PCED1B: variants seen among roughly 807,000 people sequenced by gnomAD.
PCED1B encodes the protein PC-esterase domain-containing protein 1B.
For missense variants in PCED1B, 573 were observed against 573.9 expected (o/e 1.00, Z 0.02); for synonymous variants, 251 against 246.1 (o/e 1.02, Z -0.19).
Position 47,236,249 on chromosome 12 carries a change from G to A in PCED1B, c.1186G>A (p.Val396Ile), listed in dbSNP as rs756174691. Reference protein sequence around the residue: ...TPRYQRPAPVVHRGFGRYRPR... With the variant: ...TPRYQRPAPVIHRGFGRYRPR... ...CCGTTATCAGCGGCCTGCCCCAGTG[G>A]TACATAGGGGTTTTGGCAGGTATCG... The change falls in exon 4 of 4, where the codon GTA becomes ATA. Residue 396 changes from valine (V) to isoleucine (I), a missense_variant. Transcript: ENST00000546455. 1.5e-5 allele frequency: 25 copies of A among 1,614,038 alleles called. No homozygotes were observed. The highest frequency in any genetic ancestry group is 4.0e-5 in the African/African-American group (3 of 74,908).
chr12:47,186,786 C>T (rs1301976470), intron 2 of PCED1B, among the ~76,000 whole-genome samples: 2 of 152,178 alleles, frequency 1.3e-5, no homozygotes, highest in Non-Finnish European at 2.9e-5. Flanking sequence ...GTAATCTACC[C>T]AGTTTGTGAT....
At chr12:47,222,968 G>T (rs1283469246) in intron 3 of PCED1B, among the ~76,000 whole-genome samples, 2 of 152,148 alleles carry the variant, frequency 1.3e-5, no homozygotes, top group Non-Finnish European at 2.9e-5. Flanking sequence ...GAACTGTTTG[G>T]GGCAAATAGG....
chr12:47,094,230 C>G (rs1055524910), intron 1 of PCED1B, among the ~76,000 whole-genome samples: 1 of 152,048 alleles, frequency 6.6e-6, no homozygotes, highest in African/African-American at 2.4e-5. Context: ...TTCACATTGT[C>G]TGATATTAGT....
chr12:47,200,851 C>T (rs1478167077), intron 2 of PCED1B, among the ~76,000 whole-genome samples: 1 of 152,202 alleles, frequency 6.6e-6, no homozygotes, highest in Non-Finnish European at 1.5e-5. Context: ...CAATAACAGA[C>T]ATATGCGATG....
chr12:47,146,834 G>C (rs969013021), intron 2 of PCED1B, among the ~76,000 whole-genome samples: 1 of 152,136 alleles, frequency 6.6e-6, no homozygotes, highest in African/African-American at 2.4e-5. Context: ...ATACTTCTCA[G>C]ATATGCCTGT....
intron 3 of PCED1B, among the ~76,000 whole-genome samples, chr12:47,230,734 G>A (rs760632232): frequency 8.5e-5 from 13 of 152,140 alleles, no homozygotes; most frequent in Non-Finnish European, 1.5e-4. Context: ...GAGCCTCCTC[G>A]CCTGGCCAAC....
intron 2 of PCED1B, among the ~76,000 whole-genome samples, chr12:47,107,613 G>T (rs1250509044): frequency 6.6e-6 from 1 of 152,214 alleles, no homozygotes; most frequent in Non-Finnish European, 1.5e-5. Flanking sequence ...AGCAGCAGTG[G>T]CAGTGGAGGT....
chr12:47,236,137 T>A lies in PCED1B; in HGVS notation c.1074T>A (p.Asp358Glu). 2 of 1,614,168 alleles carry A rather than the reference T, an allele frequency of 1.2e-6. No homozygotes were observed. The highest frequency in any genetic ancestry group is 1.7e-6 in the Non-Finnish European group (2 of 1,180,034). ...FQSDQFYCHS[D>E]VPSSAHAGFF... The stretch of plus-strand genomic sequence containing the variant: ...CGGATCAATTCTATTGCCATTCAGA[T>A]GTCCCCTCATCAGCCCATGCAGGTT... The change falls in exon 4 of 4, where the codon GAT becomes GAA. Residue 358 changes from aspartate to glutamate, a missense_variant. Coordinates refer to ENST00000546455, the MANE Select transcript of PCED1B (RefSeq NM_138371.3).
chr12:47,085,364 T>A (rs898431453), intron 1 of PCED1B, among the ~76,000 whole-genome samples: 1 of 152,222 alleles, frequency 6.6e-6, no homozygotes, highest in African/African-American at 2.4e-5. Context: ...TCCTCTTCTC[T>A]CTCCAGTGAA....
At chr12:47,175,792 G>A (rs1011826850) in intron 2 of PCED1B, among the ~76,000 whole-genome samples, 1 of 151,844 alleles carries the variant, frequency 6.6e-6, no homozygotes, top group Non-Finnish European at 1.5e-5. Context: ...GGCTGATCTC[G>A]AACTCCTGAC....
intron 2 of PCED1B, among the ~76,000 whole-genome samples, chr12:47,178,885 A>G (rs1942010859): frequency 6.1e-5 from 9 of 147,962 alleles, no homozygotes. Flanking sequence ...AAAAAAAAAG[A>G]AAAGAAAATT....
intron 2 of PCED1B, among the ~76,000 whole-genome samples, chr12:47,168,628 CA>C (rs1251826491): frequency 1.3e-5 from 2 of 152,088 alleles, no homozygotes; most frequent in African/African-American, 4.8e-5. Flanking sequence ...TCTTTAATGG[CA>C]AAGGCACTTA....
intron 2 of PCED1B, among the ~76,000 whole-genome samples, chr12:47,201,517 C>T (rs1429609087): frequency 1.3e-5 from 2 of 151,974 alleles, no homozygotes; most frequent in Admixed American, 1.3e-4. Context: ...ATTCTAAAAA[C>T]AGGGTTAGTA....
At chr12:47,082,204 G>A (rs977497869) in intron 1 of PCED1B, among the ~76,000 whole-genome samples, 2 of 152,192 alleles carry the variant, frequency 1.3e-5, no homozygotes, top group Admixed American at 6.5e-5. Context: ...GAGGATAGCA[G>A]TTTTATCTGT....
intron 2 of PCED1B, among the ~76,000 whole-genome samples, chr12:47,175,413 G>A (rs1312509813): frequency 6.6e-6 from 1 of 151,984 alleles, no homozygotes; most frequent in Non-Finnish European, 1.5e-5. Flanking sequence ...TTTTTTCCAA[G>A]GGAGCCACAC....
intron 2 of PCED1B, among the ~76,000 whole-genome samples, chr12:47,129,851 T>G (rs1940050891): frequency 6.6e-6 from 1 of 152,180 alleles, no homozygotes; most frequent in Non-Finnish European, 1.5e-5. Context: ...ATTACAACCA[T>G]CAATAGTGTA....
chr12:47,134,334 C>G (rs1940256612), intron 2 of PCED1B, among the ~76,000 whole-genome samples: 1 of 152,176 alleles, frequency 6.6e-6, no homozygotes, highest in Non-Finnish European at 1.5e-5. Flanking sequence ...TTCCTTTCTT[C>G]TTTTCTTCCT....
intron 2 of PCED1B, among the ~76,000 whole-genome samples, chr12:47,180,479 G>T (rs1039879517): frequency 2.0e-5 from 3 of 152,096 alleles, no homozygotes; most frequent in African/African-American, 7.2e-5. Context: ...ACTCAAGATG[G>T]ATTAAAGACT....
At chr12:47,083,622 C>T (rs1937846346) in intron 1 of PCED1B, among the ~76,000 whole-genome samples, 1 of 152,110 alleles carries the variant, frequency 6.6e-6, no homozygotes, top group Non-Finnish European at 1.5e-5. Flanking sequence ...GATCTCTCAC[C>T]CCATCCTGTG....
Sources: gnomAD v4.1 joint callset for allele counts (sites outside exome capture counted in the v4.1 genomes callset) on GRCh38, gnomAD v4.1.1 for gene constraint, MANE v1.5 for transcripts, NCBI Gene and HGNC (gene_info 2026-07-23, HGNC 2026-07-21) for gene names.